Variants in IL1RAPL2 observed in about 807,000 individuals in gnomAD.
The protein encoded by IL1RAPL2 is interleukin 1 receptor accessory protein like 2, also known as X-linked interleukin-1 receptor accessory protein-like 2.
A neutral mutation model predicts 44.1 loss-of-function variants in IL1RAPL2; 3 were observed. That is an observed-to-expected ratio of 0.07 (90% CI 0.03 to 0.18). The LOEUF (loss-of-function observed/expected upper bound fraction) is 0.18. IL1RAPL2 is among the 10% of genes least tolerant of loss of function. The pLI is 1.00. For synonymous variants in IL1RAPL2, 181 were observed against 178.8 expected, an observed-to-expected ratio of 1.01 and a Z score of -0.10; for missense variants, 391 against 496.4, an observed-to-expected ratio of 0.79 and a Z score of 2.02.
intron 1 of IL1RAPL2, among the ~76,000 whole-genome samples, chrX:104,585,262 TATAA>T (rs1477009884): frequency 1.2e-3 from 34 of 28,923 alleles, no homozygotes; most frequent in Non-Finnish European, 1.6e-3. Context: ...ATAATATATA[TATAA>T]TATATTATAT....
chrX:104,848,409 GTATATATATATATATATATATATATA>G (rs35503754), intron 2 of IL1RAPL2, among the ~76,000 whole-genome samples: 184 of 64,862 alleles, frequency 2.8e-3, no homozygotes, highest in African/African-American at 0.01. Flanking sequence ...ATTTTTATCT[GTATATATATATATATATATATATATA>G]TATATATATA....
intron 5 of IL1RAPL2, among the ~76,000 whole-genome samples, chrX:105,357,615 A>T (rs1375918822): frequency 1.8e-5 from 2 of 110,465 alleles, no homozygotes; most frequent in Admixed American, 9.7e-5. Context: ...AAATGAATAA[A>T]TTAAAGCATT....
chrX:104,786,234 A>T (rs1401724062), intron 2 of IL1RAPL2, among the ~76,000 whole-genome samples: 1 of 111,324 alleles, frequency 9.0e-6, no homozygotes, highest in African/African-American at 3.3e-5. Flanking sequence ...TTGAGGTGGG[A>T]CCAACATTAT....
chrX:105,120,252 C>G (rs888213477), intron 2 of IL1RAPL2, among the ~76,000 whole-genome samples: 1 of 107,061 alleles, frequency 9.3e-6, no homozygotes, highest in African/African-American at 3.4e-5. Flanking sequence ...CCTCCAATAT[C>G]CTTTACCCAG....
intron 2 of IL1RAPL2, among the ~76,000 whole-genome samples, chrX:105,181,849 G>C (rs1425183023): frequency 9.1e-6 from 1 of 110,222 alleles, no homozygotes; most frequent in Non-Finnish European, 1.9e-5. Flanking sequence ...TGGATCACGA[G>C]GTCAGGAGAT....
At chrX:105,512,562 C>T (rs1049019285) in intron 6 of IL1RAPL2, among the ~76,000 whole-genome samples, 3 of 111,000 alleles carry the variant, frequency 2.7e-5, no homozygotes, top group Non-Finnish European at 5.7e-5. Flanking sequence ...AAAATTAAAT[C>T]GCATTTTGTT....
intron 4 of IL1RAPL2, among the ~76,000 whole-genome samples, chrX:105,248,143 A>G (rs7063177): frequency 0.14 from 15,514 of 110,753 alleles, 2,065 homozygotes; most frequent in African/African-American, 0.42. Context: ...TTTAATAACC[A>G]CAGTGTTGGA....
At chrX:105,710,357 TAC>T (rs1373764535) in intron 6 of IL1RAPL2, among the ~76,000 whole-genome samples, 3 of 59,679 alleles carry the variant, frequency 5.0e-5, no homozygotes, top group African/African-American at 7.0e-5. Flanking sequence ...TAGAAAATCC[TAC>T]TTTTTTTTTT....
chrX:105,002,344 A>G (rs985627314), intron 2 of IL1RAPL2, among the ~76,000 whole-genome samples: 1 of 111,357 alleles, frequency 9.0e-6, no homozygotes. Flanking sequence ...AATGAAAAGA[A>G]GAGCTAACAT....
chrX:105,127,330 G>T (rs2032984388), intron 2 of IL1RAPL2, among the ~76,000 whole-genome samples: 2 of 111,104 alleles, frequency 1.8e-5, no homozygotes, highest in South Asian at 7.4e-4. Context: ...CTCCCCAAAG[G>T]CTGTCAACCA....
intron 2 of IL1RAPL2, among the ~76,000 whole-genome samples, chrX:104,689,949 G>A (rs1931061932): frequency 8.9e-6 from 1 of 112,202 alleles, no homozygotes; most frequent in African/African-American, 3.2e-5. Flanking sequence ...TGTGTTATCT[G>A]TATGTCATTT....
In IL1RAPL2 at chrX:105,593,070, A is replaced by G. The variant is rs1430863109; in HGVS notation, c.772+108683A>G. ...TCCTTCTCTTTCAGGGATGCCAACA[A>G]TTCGTAGATTTGGCCTCTTTATATA... On this transcript the variant is annotated intron_variant, in intron 6 of 10. Transcript: ENST00000372582. Among the ~76,000 whole-genome samples the G allele has an allele frequency of 1.8e-4, 20 of 111,884 alleles. No individual in the cohort carries two copies. The Admixed American group carries it at 1.9e-3, about 11-fold the overall frequency.
chrX:104,948,059 T>A (rs1273010661), intron 2 of IL1RAPL2, among the ~76,000 whole-genome samples: 1 of 110,080 alleles, frequency 9.1e-6, no homozygotes, highest in African/African-American at 3.3e-5. Context: ...GCATGGAATA[T>A]TCTTCCATTT....
chrX:104,716,238 T>C (rs1931563424), intron 2 of IL1RAPL2, among the ~76,000 whole-genome samples: 1 of 111,416 alleles, frequency 9.0e-6, no homozygotes, highest in Non-Finnish European at 1.9e-5. Context: ...ATGCAGAAGA[T>C]TAAAACTAGA....
intron 3 of IL1RAPL2, among the ~76,000 whole-genome samples, chrX:105,206,268 A>T (rs1329654777): frequency 9.0e-6 from 1 of 111,649 alleles, no homozygotes; most frequent in Admixed American, 9.5e-5. Context: ...ACTAGCTATA[A>T]TTTTTTAGCT....
chrX:105,416,218 A>G (rs1014415037), intron 5 of IL1RAPL2, among the ~76,000 whole-genome samples: 2 of 112,178 alleles, frequency 1.8e-5, no homozygotes, highest in Non-Finnish European at 1.9e-5. Context: ...GCCACAATAA[A>G]AAAAATCTTA....
intron 9 of IL1RAPL2, among the ~76,000 whole-genome samples, chrX:105,750,599 C>T (rs1208631197): frequency 9.2e-6 from 1 of 108,770 alleles, no homozygotes; most frequent in Admixed American, 1.0e-4. Context: ...AGCCACTGCA[C>T]CTGGCGTGAA....
chrX:105,713,162 A>G lies in IL1RAPL2; in HGVS notation c.773-4205A>G, dbSNP rs778526106. ...CATGATGCAAGATGTCAGTGGATCT[A>G]TATTTCTGGGGTCTGGAGGATGGTG... On this transcript the variant is annotated intron_variant, in intron 6 of 10. Transcript: ENST00000372582. Among the ~76,000 whole-genome samples the G allele has an allele frequency of 1.8e-5, 2 of 111,628 alleles. 1 individual carries two copies. Among genetic ancestry groups the G allele is most frequent in the African/African-American group, 6.5e-5 (2 of 30,714 alleles).
chrX:105,168,414 GGTGTGT>G (rs57882187), intron 2 of IL1RAPL2, among the ~76,000 whole-genome samples: 1,513 of 89,279 alleles, frequency 0.017, 24 homozygotes, highest in East Asian at 0.1. Context: ...AACCATAGGA[GGTGTGT>G]GTGTGTGTGT....
Sources: allele counts gnomAD v4.1 joint callset (sites outside exome capture counted in the v4.1 genomes callset), GRCh38; gene constraint gnomAD v4.1.1; transcripts MANE v1.5; gene names NCBI Gene and HGNC (gene_info 2026-07-23, HGNC 2026-07-21).